EXOC4: variants seen among roughly 807,000 people sequenced by gnomAD.
EXOC4 encodes exocyst complex component 4, also known as SEC8-like 1.
A neutral mutation model predicts 107.2 loss-of-function variants in EXOC4; 71 were observed. The observed-to-expected ratio is 0.66, with a 90% CI of 0.55 to 0.81. The LOEUF (loss-of-function observed/expected upper bound fraction) is 0.81. EXOC4 is among the 30% of genes least tolerant of loss of function. The pLI is 0.00. For missense variants in EXOC4, 1,108 were observed against 1,189.6 expected, an observed-to-expected ratio of 0.93 and a Z score of 1.01; for synonymous variants, 456 against 441.2, an observed-to-expected ratio of 1.03 and a Z score of -0.42.
chr7:133,617,304 G>A (rs1461711123), intron 9 of EXOC4, among the ~76,000 whole-genome samples: 1 of 152,122 alleles, frequency 6.6e-6, no homozygotes, highest in Non-Finnish European at 1.5e-5. Flanking sequence ...AAACTGAGTG[G>A]TGAGGTGAAG....
intron 11 of EXOC4, among the ~76,000 whole-genome samples, chr7:133,832,846 G>A (rs1797839186): frequency 6.6e-6 from 1 of 152,032 alleles, no homozygotes; most frequent in African/African-American, 2.4e-5. Context: ...CAGTGGGCTT[G>A]TGGTGGTGGT....
At chr7:134,078,770 G>T in the EXOC4 span, among the ~76,000 whole-genome samples, 1 of 152,198 alleles carries the variant, frequency 6.6e-6, no homozygotes, top group African/African-American at 2.4e-5. Context: ...AAGGTACTAG[G>T]CCTCTTGGCA....
At chr7:133,344,940 T>C (rs1287005226) in intron 5 of EXOC4, among the ~76,000 whole-genome samples, 3 of 152,200 alleles carry the variant, frequency 2.0e-5, no homozygotes, top group Admixed American at 2.0e-4. Flanking sequence ...TTATTTTTAT[T>C]TACAGTTGTT....
chr7:133,462,243 T>G (rs1299560242), intron 7 of EXOC4, among the ~76,000 whole-genome samples: 3 of 152,194 alleles, frequency 2.0e-5, no homozygotes, highest in Non-Finnish European at 2.9e-5. Flanking sequence ...ACACGGCATC[T>G]TTTAGAGATA....
intron 9 of EXOC4, among the ~76,000 whole-genome samples, chr7:133,597,541 C>T (rs1166761830): frequency 2.7e-5 from 3 of 110,920 alleles, no homozygotes; most frequent in Non-Finnish European, 5.1e-5. Context: ...GCAAGAAGAG[C>T]GAAACTCTGT....
intron 11 of EXOC4, among the ~76,000 whole-genome samples, chr7:133,838,819 A>G (rs1384366854): frequency 6.6e-6 from 1 of 152,256 alleles, no homozygotes; most frequent in Non-Finnish European, 1.5e-5. Flanking sequence ...AAGAGCAATC[A>G]TAGATAATAT....
intron 14 of EXOC4, among the ~76,000 whole-genome samples, chr7:133,978,353 CA>C (rs1315484967): frequency 6.6e-6 from 1 of 152,166 alleles, no homozygotes; most frequent in Non-Finnish European, 1.5e-5. Context: ...GGGCACTTTC[CA>C]AAAATCCTTG....
chr7:133,280,133 A>T (rs547802637), intron 2 of EXOC4, among the ~76,000 whole-genome samples: 2 of 152,236 alleles, frequency 1.3e-5, no homozygotes, highest in Admixed American at 6.5e-5. Context: ...AATTTAAAAA[A>T]ATTTTTTATA....
intron 9 of EXOC4, among the ~76,000 whole-genome samples, chr7:133,545,405 G>A (rs4731962): frequency 0.99 from 151,361 of 152,216 alleles, 75,264 homozygotes; most frequent in East Asian, 1. Context: ...TAGAACCGCA[G>A]AAAACTTAGT....
chr7:133,626,674 T>G (rs887922584), intron 9 of EXOC4, among the ~76,000 whole-genome samples: 1 of 152,204 alleles, frequency 6.6e-6, no homozygotes, highest in African/African-American at 2.4e-5. Flanking sequence ...GGTTTAGAAC[T>G]AATGAAAGTA....
At position 133,461,578 on chromosome 7, in the gene EXOC4, G is replaced by GAGAGTAATTTGGGTCTTGGAC. The variant is rs1261673127; in HGVS notation, c.1183-13733_1183-13732insGGACAGAGTAATTTGGGTCTT. On this transcript the variant is annotated intron_variant, in intron 7 of 17. Coordinates refer to ENST00000253861, the MANE Select transcript of EXOC4 (RefSeq NM_021807.4). ...CACTTAATTGAGTAAACTGTCTCCA[G>GAGAGTAATTTGGGTCTTGGAC]AGAGTAATTTGGGTCTTTTCCAAGA... 1.2e-4 allele frequency among the ~76,000 whole-genome samples: 18 copies of GAGAGTAATTTGGGTCTTGGAC among 152,186 alleles called. 1 individual carries two copies. Among genetic ancestry groups the GAGAGTAATTTGGGTCTTGGAC allele is most frequent in the African/African-American group, 4.3e-4 (18 of 41,446 alleles).
At chr7:133,589,533 A>C (rs903315143) in intron 9 of EXOC4, among the ~76,000 whole-genome samples, 3 of 152,168 alleles carry the variant, frequency 2.0e-5, no homozygotes. Flanking sequence ...TCTTGTTTAA[A>C]ATTTCCATTG....
In EXOC4 at chr7:133,754,635, TATTG is replaced by T. The variant is rs148981206; in HGVS notation, c.1515-62682_1515-62679del. On this transcript the variant is annotated intron_variant, in intron 10 of 17. Transcript: ENST00000253861. ...ATCATTAGCCATCATAAATGTACAG[TATTG>T]ATTGATTATATGAGATGCTCTGATG... Among the ~76,000 whole-genome samples, 319 of 152,352 alleles carry T rather than the reference TATTG, an allele frequency of 2.1e-3. 3 individuals are homozygous for T. Among genetic ancestry groups the T allele is most frequent in the African/African-American group, 7.3e-3 (304 of 41,564 alleles).
At chr7:133,523,539 C>T (rs1316575762) in intron 9 of EXOC4, among the ~76,000 whole-genome samples, 1 of 151,768 alleles carries the variant, frequency 6.6e-6, no homozygotes, top group Non-Finnish European at 1.5e-5. Context: ...TGCGCTGCAC[C>T]CACTAACTCG....
chr7:133,614,946 G>A (rs1802160027), intron 9 of EXOC4, among the ~76,000 whole-genome samples: 1 of 152,074 alleles, frequency 6.6e-6, no homozygotes, highest in Non-Finnish European at 1.5e-5. Flanking sequence ...GCCAGATGAT[G>A]AGGAAGAAGA....
chr7:133,695,867 C>T (rs777083120), intron 10 of EXOC4, among the ~76,000 whole-genome samples: 3 of 152,068 alleles, frequency 2.0e-5, no homozygotes, highest in Non-Finnish European at 4.4e-5. Flanking sequence ...CAGTAAAAGC[C>T]AAGGGGACCA....
chr7:133,364,734 G>A (rs1796213641), intron 6 of EXOC4, among the ~76,000 whole-genome samples: 1 of 152,136 alleles, frequency 6.6e-6, no homozygotes. Context: ...TAGTATTCAC[G>A]CTTTGCAAAG....
At chr7:134,026,644 A>C (rs1795142585) in intron 17 of EXOC4, among the ~76,000 whole-genome samples, 1 of 152,132 alleles carries the variant, frequency 6.6e-6, no homozygotes, top group African/African-American at 2.4e-5. Context: ...ATTAGGTGTC[A>C]AAGAAGATAG....
chr7:133,439,686 G>A (rs1296152120), intron 7 of EXOC4, among the ~76,000 whole-genome samples: 3 of 152,136 alleles, frequency 2.0e-5, no homozygotes, highest in Non-Finnish European at 4.4e-5. Context: ...GACCAAAAAA[G>A]CTGTATCACT....
Sources: gnomAD v4.1 joint callset for allele counts (sites outside exome capture counted in the v4.1 genomes callset) on GRCh38, gnomAD v4.1.1 for gene constraint, MANE v1.5 for transcripts, NCBI Gene and HGNC (gene_info 2026-07-23, HGNC 2026-07-21) for gene names.